Variants in IWS1 observed in about 807,000 individuals in gnomAD.
IWS1 encodes interacts with SUPT6H, CTD assembly factor 1.
A neutral mutation model predicts 86.7 loss-of-function variants in IWS1; 27 were observed. The ratio of observed to expected loss-of-function variants is 0.31; its 90% CI spans 0.23 to 0.43. The LOEUF is 0.43. Ranked by LOEUF, IWS1 falls within the 20% of genes least tolerant of loss-of-function variation. The pLI is 1.00. For synonymous variants in IWS1, 313 were observed against 335.1 expected (o/e 0.93, Z 0.72); for missense variants, 827 against 1,000.8 (o/e 0.83, Z 2.34).
chr2:127,481,330 T>A (rs1329772486), intron 13 of IWS1, among the ~76,000 whole-genome samples, 155 bp from the exon 14 acceptor site: 2 of 152,042 alleles, frequency 1.3e-5, no homozygotes, highest in Admixed American at 6.6e-5. Flanking sequence ...ACAAAGCAAG[T>A]ATAGATGGTG....
intron 2 of IWS1, 113 bp downstream of exon 2, chr2:127,523,563 T>C (rs1200400113): frequency 2.9e-6 from 2 of 692,578 alleles, no homozygotes; most frequent in African/African-American, 3.6e-5. Context: ...GCTCCTTTAC[T>C]CTCAGAGATT....
At position 127,503,377 on chromosome 2, in the gene IWS1, T is replaced by C. The variant is rs1450861658; in HGVS notation, c.1409+10A>G. The C allele has an allele frequency of 3.1e-6, 5 of 1,601,940 alleles. No individual in the cohort carries two copies. The South Asian group carries it at 5.6e-5, about 18-fold the overall frequency. On this transcript the variant is annotated intron_variant, in intron 4 of 13. Coordinates refer to ENST00000295321, the MANE Select transcript of IWS1 (RefSeq NM_017969.3). ...GAACCCCTGAAAACTCATGTTATAC[T>C]GTCACTTACTCTTCTTCATTGCCTG...
rs763497196 is a variant in IWS1 at position 127,494,932 on chromosome 2, T to C, written c.1739A>G (p.Gln580Arg). The stretch of plus-strand genomic sequence containing the variant: ...TAATTTTTTCAGTGCTGGCTTTTTT[T>C]GATTGTTCAACTGTCTGTCTTCCTA... Reference protein sequence around the residue: ...AAEEDRQLNNQKKPALKKLTL... With the variant: ...AAEEDRQLNNRKKPALKKLTL... The change falls in exon 8 of 14, where the codon CAA becomes CGA. Residue 580 changes from glutamine to arginine, a missense_variant. This residue lies in a region of IWS1 where 279 missense variants were observed against 440.6 expected (regional missense o/e 0.63). Coordinates refer to ENST00000295321, the MANE Select transcript of IWS1 (RefSeq NM_017969.3). 2.5e-6 allele frequency: 4 copies of C among 1,602,526 alleles called. No individual in the cohort carries two copies. Among genetic ancestry groups the C allele is most frequent in the South Asian group, 1.1e-5 (1 of 88,550 alleles).
chr2:127,520,051 A>G (rs1692006256), intron 2 of IWS1, among the ~76,000 whole-genome samples: 1 of 152,220 alleles, frequency 6.6e-6, no homozygotes, highest in Admixed American at 6.5e-5. Context: ...CTCCAGAATT[A>G]TAAGATAATA....
At chr2:127,484,805 G>A (rs1434955108) in intron 13 of IWS1, 2 of 152,182 alleles carry the variant, frequency 1.3e-5, no homozygotes, top group African/African-American at 4.8e-5. Context: ...AGACCATCAT[G>A]GCTAACAGGA....
chr2:127,499,397 C>A lies in IWS1; in HGVS notation c.1468-1160G>T, dbSNP rs866460398. On this transcript the variant is annotated intron_variant, in intron 5 of 13. Coordinates refer to ENST00000295321, the MANE Select transcript of IWS1 (RefSeq NM_017969.3). This position sits in a 1 kb window ranked among gnomAD's most constrained non-coding sequence, Gnocchi z 4.0. ...GAGCCACCGCGCCCGGCCAATTTTT[C>A]ATTTTTATGTAAATGAAATGGCCTG... 1.1e-4 allele frequency among the ~76,000 whole-genome samples: 16 copies of A among 152,106 alleles called. No individual in the cohort carries two copies. Among genetic ancestry groups the A allele is most frequent in the Middle Eastern group, 3.2e-3 (1 of 316 alleles).
intron 5 of IWS1, chr2:127,501,758 T>C (rs1030305341): frequency 1.3e-5 from 2 of 151,516 alleles, no homozygotes; most frequent in African/African-American, 2.4e-5. Flanking sequence ...CTCACTATTT[T>C]ACCCTGGCTG....
chr2:127,492,179 G>GAATAAAAAACACATTCAC, intron 9 of IWS1, 91 bp from the exon 10 acceptor site: 1 of 745,252 alleles, frequency 1.3e-6, no homozygotes, highest in Non-Finnish European at 2.3e-6. Flanking sequence ...ATTCACAACA[G>GAATAAAAAACACATTCAC]AACAAATAAA....
intron 10 of IWS1, among the ~76,000 whole-genome samples, chr2:127,491,504 C>T (rs1224246813): frequency 3.3e-5 from 5 of 151,918 alleles, no homozygotes; most frequent in Non-Finnish European, 1.5e-5. Flanking sequence ...AGTGCAGTGG[C>T]GCGATCTCGG....
chr2:127,513,792 A>G (rs1335770291), intron 2 of IWS1, among the ~76,000 whole-genome samples: 1 of 152,206 alleles, frequency 6.6e-6, no homozygotes, highest in Non-Finnish European at 1.5e-5. Context: ...CCCAAAGATC[A>G]CCATCATTTA....
At chr2:127,486,976 G>A (rs956794157) in intron 12 of IWS1, among the ~76,000 whole-genome samples, 3 of 152,196 alleles carry the variant, frequency 2.0e-5, no homozygotes, top group South Asian at 2.1e-4. Flanking sequence ...AGTCCCGCCC[G>A]CATGACTTGG....
chr2:127,483,576 C>CG (rs58128086), intron 13 of IWS1, among the ~76,000 whole-genome samples: 896 of 34,430 alleles, frequency 0.026, 142 homozygotes, highest in African/African-American at 0.1. Flanking sequence ...TTGGTCGGGG[C>CG]GGGGGGTGGT....
At chr2:127,503,665 A>G in intron 3 of IWS1, 89 bp from the exon 4 acceptor site, 3 of 475,870 alleles carry the variant, frequency 6.3e-6, no homozygotes, top group Non-Finnish European at 9.3e-6. Flanking sequence ...GGCAGTATAC[A>G]GCAAAAATAA....
At chr2:127,485,575 T>C (rs555360171) in intron 13 of IWS1, among the ~76,000 whole-genome samples, 70 of 152,278 alleles carry the variant, frequency 4.6e-4, no homozygotes, top group African/African-American at 1.6e-3. Context: ...ATCACTGTAA[T>C]TCTGGGTCCT....
At chr2:127,525,258 C>T (rs532384643) in intron 1 of IWS1, among the ~76,000 whole-genome samples, 12 of 152,142 alleles carry the variant, frequency 7.9e-5, no homozygotes, top group Admixed American at 2.0e-4. Context: ...CCGCACCTGG[C>T]TTAGGAAAGT....
rs150328065 is a variant in IWS1 at position 127,508,018 on chromosome 2, C to T, written c.151-2266G>A. ...CTGTATAAGTAAATATTCCAAAACT[C>T]GAAAAAATTCTAAATCCAAAACACT... On this transcript the variant is annotated intron_variant, in intron 2 of 13. Transcript: ENST00000295321. Among the ~76,000 whole-genome samples, 974 of 152,146 alleles carry T rather than the reference C, an allele frequency of 6.4e-3. 11 individuals carry two copies. Among genetic ancestry groups the T allele is most frequent in the African/African-American group, 0.021 (890 of 41,506 alleles).
At position 127,489,377 on chromosome 2, in the gene IWS1, A is replaced by G. The variant is rs1690101941; in HGVS notation, c.2160-142T>C. 1.6e-6 allele frequency: 1 copy of G among 634,308 alleles called. No individual in the cohort carries two copies. Among genetic ancestry groups the G allele is most frequent in the South Asian group, 2.0e-5 (1 of 49,574 alleles). The allele number at this position is 634,308 out of a possible 1,614,324, so 39.3% of individuals were successfully genotyped here. A position where few individuals can be genotyped will look rare whatever the true frequency, so the allele number is the denominator to read the frequency against. ...CAGGGAAAATAATTCCTAATCTTTAAAAAGTACTACTCATTTTAGTATTCA... is the reference window on the plus strand; with the variant it reads ...CAGGGAAAATAATTCCTAATCTTTAGAAAGTACTACTCATTTTAGTATTCA... On this transcript the variant is annotated intron_variant, in intron 11 of 13. Transcript: ENST00000295321. This position sits in a 1 kb window ranked among gnomAD's most constrained non-coding sequence, Gnocchi z 4.8.
At chr2:127,501,400 G>A (rs1204370011) in intron 5 of IWS1, among the ~76,000 whole-genome samples, 1 of 151,978 alleles carries the variant, frequency 6.6e-6, no homozygotes, top group Non-Finnish European at 1.5e-5. Flanking sequence ...GTTTTATTAC[G>A]ATGTAGTTAG....
At chr2:127,484,191 A>G (rs1689805500) in intron 13 of IWS1, among the ~76,000 whole-genome samples, 1 of 152,130 alleles carries the variant, frequency 6.6e-6, no homozygotes, top group Non-Finnish European at 1.5e-5. Flanking sequence ...CGCCTGCCCT[A>G]GTCCCAGCTA....
Sources: allele counts gnomAD v4.1 joint callset (sites outside exome capture counted in the v4.1 genomes callset), GRCh38; gene constraint gnomAD v4.1.1; regional missense constraint gnomAD v4.1.1; non-coding constraint Gnocchi (gnomAD v3.1); transcripts MANE v1.5; gene names NCBI Gene and HGNC (gene_info 2026-07-23, HGNC 2026-07-21).